ADGRG6: variants seen among roughly 807,000 people sequenced by gnomAD.
ADGRG6 encodes the protein G-protein coupled receptor 126.
A neutral mutation model predicts 142.4 loss-of-function variants in ADGRG6; 84 were observed. The observed-to-expected ratio is 0.59, with a 90% CI of 0.49 to 0.71. The LOEUF is 0.71. ADGRG6 is among the 30% of genes least tolerant of loss of function. The probability of loss-of-function intolerance (pLI) is 0.00; values close to 1 mark genes in which losing one functional copy is unlikely to be tolerated. For synonymous variants in ADGRG6, 521 were observed against 520.5 expected (o/e 1.00, Z -0.01); for missense variants, 1,367 against 1,466.6 (o/e 0.93, Z 1.11).
intron 2 of ADGRG6, among the ~76,000 whole-genome samples, chr6:142,357,793 G>A (rs894376718): frequency 6.6e-6 from 1 of 152,172 alleles, no homozygotes; most frequent in Non-Finnish European, 1.5e-5. Flanking sequence ...TAAATAGGAA[G>A]CAATAACCCT....
At chr6:142,343,032 AT>A (rs1554235976) in intron 2 of ADGRG6, among the ~76,000 whole-genome samples, 1 of 151,676 alleles carries the variant, frequency 6.6e-6, no homozygotes, top group East Asian at 1.9e-4. Context: ...TATGGTAAAA[AT>A]TTTTTATAAA....
In ADGRG6 at chr6:142,359,000, G is replaced by GT. The variant is rs1482266289; in HGVS notation, c.104-8566dup. Among the ~76,000 whole-genome samples the GT allele has an allele frequency of 3.3e-5, 5 of 151,040 alleles. No homozygotes were observed. The East Asian group carries it at 9.8e-4, about 29-fold the overall frequency. On this transcript the variant is annotated intron_variant, in intron 2 of 24. Coordinates refer to ENST00000367609, the MANE Select transcript of ADGRG6 (RefSeq NM_198569.3). ...GTGGGAGGATCACTTGAGTCCAGGA[G>GT]TTTGAGAGCACCCTGGGCAACATTA...
At chr6:142,345,504 G>A (rs1166934349) in intron 2 of ADGRG6, among the ~76,000 whole-genome samples, 3 of 151,998 alleles carry the variant, frequency 2.0e-5, no homozygotes, top group Admixed American at 2.0e-4. Context: ...ATTCAAAATA[G>A]TCTTTCTGGT....
chr6:142,403,801 G>T lies in ADGRG6; in HGVS notation c.1956-1G>T. On this transcript the variant is annotated splice_acceptor_variant, in intron 13 of 24. Coordinates refer to ENST00000367609, the MANE Select transcript of ADGRG6 (RefSeq NM_198569.3). LOFTEE classifies it high-confidence loss of function. The stretch of plus-strand genomic sequence containing the variant: ...AGTGGCATTTTTTGTCGTTACTTTA[G>T]AGCTTTAAAAACAATTGATGAATTG... 1.3e-6 allele frequency: 2 copies of T among 1,562,566 alleles called. No homozygotes were observed. The highest frequency in any genetic ancestry group is 1.4e-5 in the African/African-American group (1 of 71,914).
chr6:142,347,666 T>C (rs1261628029), intron 2 of ADGRG6, among the ~76,000 whole-genome samples: 1 of 152,158 alleles, frequency 6.6e-6, no homozygotes, highest in East Asian at 1.9e-4. Flanking sequence ...TTTCTTTTAC[T>C]ATACTTGGTG....
intron 9 of ADGRG6, among the ~76,000 whole-genome samples, chr6:142,397,028 T>G (rs985899684): frequency 6.6e-6 from 1 of 152,134 alleles, no homozygotes; most frequent in African/African-American, 2.4e-5. Flanking sequence ...CAGAGTCGAT[T>G]TTAAGTATTT....
At chr6:142,347,838 T>C (rs1779980651) in intron 2 of ADGRG6, among the ~76,000 whole-genome samples, 1 of 152,192 alleles carries the variant, frequency 6.6e-6, no homozygotes, top group Non-Finnish European at 1.5e-5. Context: ...TCATCATAGC[T>C]TCCAAGGACT....
Position 142,309,745 on chromosome 6 carries a change from C to CTT in ADGRG6, c.103+112_103+113dup, listed in dbSNP as rs66489806. 4,327 of 526,490 alleles carry CTT rather than the reference C, an allele frequency of 8.2e-3. 118 individuals carry two copies. Among genetic ancestry groups the CTT allele is most frequent in the African/African-American group, 0.074 (3,508 of 47,144 alleles). 32.6% of individuals were successfully genotyped at this position (526,490 alleles called of 1,614,324 possible). A position where few individuals can be genotyped will look rare whatever the true frequency, so the allele number is the denominator to read the frequency against. On this transcript the variant is annotated intron_variant, in intron 2 of 24. Transcript: ENST00000367609. Reference sequence around the variant, plus strand: ...ATGTTGCCTTACTTTTACTTACTGCCTTTTTTTTTTTTCCTGTTTCTATCC... The same window carrying CTT: ...ATGTTGCCTTACTTTTACTTACTGCCTTTTTTTTTTTTTTCCTGTTTCTATCC...
At chr6:142,316,522 GA>G (rs909710697) in intron 2 of ADGRG6, among the ~76,000 whole-genome samples, 1 of 151,924 alleles carries the variant, frequency 6.6e-6, no homozygotes, top group African/African-American at 2.4e-5. Flanking sequence ...AGATCTGGAG[GA>G]AAAAAATACT....
chr6:142,358,065 A>G (rs2114809630), intron 2 of ADGRG6, among the ~76,000 whole-genome samples: 1 of 152,338 alleles, frequency 6.6e-6, no homozygotes, highest in East Asian at 1.9e-4. Flanking sequence ...CTGTTTAGCC[A>G]GTAATGACAT....
intron 4 of ADGRG6, among the ~76,000 whole-genome samples, chr6:142,376,973 A>G (rs1042585955): frequency 1.3e-5 from 2 of 152,244 alleles, no homozygotes; most frequent in Non-Finnish European, 2.9e-5. Flanking sequence ...TGTAAATATT[A>G]ACATATAGTG....
At chr6:142,399,646 T>A (rs1016842091) in intron 10 of ADGRG6, among the ~76,000 whole-genome samples, 4 of 152,298 alleles carry the variant, frequency 2.6e-5, no homozygotes, top group Middle Eastern at 6.8e-3. Context: ...TTTCTGCAAA[T>A]GAATCTGTGG....
chr6:142,328,526 C>T (rs1249730780), intron 2 of ADGRG6, among the ~76,000 whole-genome samples: 2 of 152,152 alleles, frequency 1.3e-5, no homozygotes, highest in Admixed American at 1.3e-4. Flanking sequence ...GATTCCATTT[C>T]TTTCATCTTG....
intron 2 of ADGRG6, among the ~76,000 whole-genome samples, chr6:142,338,013 C>CTTTTTTTTTTTTTTTTT (rs1779405902): frequency 1.9e-4 from 5 of 26,078 alleles, no homozygotes; most frequent in African/African-American, 5.4e-4. Flanking sequence ...TGCCTTGTAT[C>CTTTTTTTTTTTTTTTTT]TTTGTTTTTT....
intron 2 of ADGRG6, among the ~76,000 whole-genome samples, chr6:142,356,198 C>G (rs900181425): frequency 6.6e-6 from 1 of 152,190 alleles, no homozygotes; most frequent in African/African-American, 2.4e-5. Context: ...AGCTGTTAGG[C>G]ATCAAGAGCA....
chr6:142,398,395 A>G (rs1775314339), intron 10 of ADGRG6, among the ~76,000 whole-genome samples: 1 of 152,206 alleles, frequency 6.6e-6, no homozygotes. Context: ...ACTGCACTCC[A>G]GCCTGGGCAG....
At chr6:142,400,719 T>C in intron 11 of ADGRG6, 123 bp downstream of exon 11, 1 of 634,678 alleles carries the variant, frequency 1.6e-6, no homozygotes, top group Non-Finnish European at 2.9e-6. Context: ...AATCTCTGTG[T>C]ATGCCTGTAT....
intron 2 of ADGRG6, among the ~76,000 whole-genome samples, chr6:142,348,164 C>T (rs546906287): frequency 3.3e-5 from 5 of 151,930 alleles, no homozygotes; most frequent in East Asian, 1.9e-4. Flanking sequence ...ATCATCATAC[C>T]GCCCGCTTAC....
At position 142,368,668 on chromosome 6, in the gene ADGRG6, C is replaced by T. The variant is rs192539340; in HGVS notation, c.445+758C>T. On this transcript the variant is annotated intron_variant, in intron 3 of 24. Coordinates refer to ENST00000367609, the MANE Select transcript of ADGRG6 (RefSeq NM_198569.3). ...CTTTCTAAGTAAAAACAGAAAGACA[C>T]GACTATGAAAATGACTGACCCTCAC... is the stretch of plus-strand genomic sequence containing the variant. 1.7e-4 allele frequency among the ~76,000 whole-genome samples: 26 copies of T among 151,732 alleles called. No individual in the cohort carries two copies. The East Asian group carries it at 2.7e-3, about 16-fold the overall frequency.
Sources: allele counts gnomAD v4.1 joint callset (sites outside exome capture counted in the v4.1 genomes callset), GRCh38; gene constraint gnomAD v4.1.1; transcripts MANE v1.5; gene names NCBI Gene and HGNC (gene_info 2026-07-23, HGNC 2026-07-21).